ASIC2: variants seen among roughly 807,000 people sequenced by gnomAD.
ASIC2 encodes acid-sensing ion channel 2.
ASIC2 carries 25 observed loss-of-function variants against 57.3 expected under a neutral mutation model. The observed-to-expected ratio is 0.44, with a 90% confidence interval of 0.32 to 0.61. ASIC2 has a LOEUF of 0.61. ASIC2 is among the 20% of genes least tolerant of loss of function. The probability of loss-of-function intolerance (pLI) is 0.06; values close to 1 mark genes in which losing one functional copy is unlikely to be tolerated. For synonymous variants in ASIC2, 319 were observed against 307.5 expected (o/e 1.04, Z -0.39); for missense variants, 641 against 738.1 (o/e 0.87, Z 1.52).
chr17:34,080,249 C>T (rs1480562600), intron 1 of ASIC2, among the ~76,000 whole-genome samples: 2 of 152,212 alleles, frequency 1.3e-5, no homozygotes, highest in African/African-American at 4.8e-5. Flanking sequence ...CCTCATAACA[C>T]AACTCCAGGG....
At chr17:33,294,303 G>T (rs2142186912), upstream of ASIC2, among the ~76,000 whole-genome samples, 1 of 152,286 alleles carries the variant, frequency 6.6e-6, no homozygotes, top group Middle Eastern at 3.4e-3. Flanking sequence ...AGTGGAAGAA[G>T]GACCAACGTG....
intron 1 of ASIC2, among the ~76,000 whole-genome samples, chr17:33,661,040 G>A (rs1597825379): frequency 6.6e-6 from 1 of 152,102 alleles, no homozygotes; most frequent in Non-Finnish European, 1.5e-5. Flanking sequence ...GCTAGACTCT[G>A]CTAGCCACGC....
chr17:33,303,389 A>G (rs1906039252), intron 1 of ASIC2, among the ~76,000 whole-genome samples: 1 of 152,208 alleles, frequency 6.6e-6, no homozygotes, highest in African/African-American at 2.4e-5. Flanking sequence ...AACTAAAACT[A>G]TACGAGCCCA....
At chr17:34,074,654 G>A (rs1331218700) in intron 1 of ASIC2, among the ~76,000 whole-genome samples, 1 of 152,100 alleles carries the variant, frequency 6.6e-6, no homozygotes, top group African/African-American at 2.4e-5. Flanking sequence ...CTACAGAGCA[G>A]AAAACACGCT....
At chr17:33,835,643 G>A (rs1218539029) in intron 1 of ASIC2, among the ~76,000 whole-genome samples, 1 of 152,114 alleles carries the variant, frequency 6.6e-6, no homozygotes, top group Non-Finnish European at 1.5e-5. Context: ...CCAAATTCTA[G>A]TCTATCTGAT....
intron 1 of ASIC2, among the ~76,000 whole-genome samples, chr17:33,201,609 A>G (rs1365408205): frequency 6.6e-6 from 1 of 152,220 alleles, no homozygotes; most frequent in Non-Finnish European, 1.5e-5. Flanking sequence ...TGTAATTAAA[A>G]TGAGTATAAA....
At chr17:34,000,250 A>ATTTTTTTTTT (rs199804905) in intron 1 of ASIC2, among the ~76,000 whole-genome samples, 2 of 119,220 alleles carry the variant, frequency 1.7e-5, no homozygotes, top group African/African-American at 6.5e-5. Flanking sequence ...GTGGAGATCT[A>ATTTTTTTTTT]TTTTTTTTTT....
chr17:33,037,130 C>CAAAAAAAAAAA (rs35845015), intron 3 of ASIC2, among the ~76,000 whole-genome samples: 1 of 125,618 alleles, frequency 8.0e-6, no homozygotes. Flanking sequence ...GGTGTGGTAG[C>CAAAAAAAAAAA]AAAAAAAAAA....
At position 33,450,951 on chromosome 17, in the gene ASIC2, C is replaced by A. The variant is rs575066870; in HGVS notation, c.556-338884G>T. 3.3e-5 allele frequency among the ~76,000 whole-genome samples: 5 copies of A among 152,292 alleles called. No homozygotes were observed. In the South Asian group the frequency reaches 1.0e-3, roughly 32 times the overall value. ...TATCCAACTGCTATCCTGACATGTT[C>A]TCTTAGCTGTCTTACCATAGGGATC... On this transcript the variant is annotated intron_variant, in intron 1 of 9. Transcript: ENST00000359872.
chr17:33,996,932 T>C (rs1468495808), intron 1 of ASIC2, among the ~76,000 whole-genome samples: 1 of 152,190 alleles, frequency 6.6e-6, no homozygotes, highest in Non-Finnish European at 1.5e-5. Context: ...ACTGAATCTA[T>C]AGATCACTTT....
At chr17:33,842,216 C>A (rs1049247292) in intron 1 of ASIC2, among the ~76,000 whole-genome samples, 1 of 152,190 alleles carries the variant, frequency 6.6e-6, no homozygotes, top group Non-Finnish European at 1.5e-5. Context: ...CACCTGGCAA[C>A]CTTCATTTAA....
chr17:33,908,019 T>C (rs965755590), intron 1 of ASIC2, among the ~76,000 whole-genome samples: 1 of 152,192 alleles, frequency 6.6e-6, no homozygotes, highest in Non-Finnish European at 1.5e-5. Context: ...TACATAACAC[T>C]AGCATTCACT....
intron 1 of ASIC2, among the ~76,000 whole-genome samples, chr17:33,802,193 T>C (rs79463982): frequency 0.087 from 13,187 of 152,244 alleles, 635 homozygotes; most frequent in East Asian, 0.19. Context: ...AGATATGTTT[T>C]GATACACAAA....
intron 1 of ASIC2, among the ~76,000 whole-genome samples, chr17:33,490,622 A>G (rs932315717): frequency 7.2e-5 from 11 of 152,236 alleles, no homozygotes; most frequent in Non-Finnish European, 1.5e-4. Flanking sequence ...GCCTGGCGCC[A>G]TCTAAGATGT....
intron 1 of ASIC2, among the ~76,000 whole-genome samples, chr17:33,679,315 T>A (rs968590770): frequency 6.6e-6 from 1 of 152,214 alleles, no homozygotes; most frequent in African/African-American, 2.4e-5. Context: ...TGTTGCTTTT[T>A]ATCAAATGAA....
chr17:33,201,794 C>T (rs956165351), intron 1 of ASIC2, among the ~76,000 whole-genome samples: 1 of 152,080 alleles, frequency 6.6e-6, no homozygotes, highest in Non-Finnish European at 1.5e-5. Flanking sequence ...CTTTGGGAAA[C>T]TGAGGCAGGC....
intron 1 of ASIC2, among the ~76,000 whole-genome samples, chr17:33,553,234 G>T (rs2082415567): frequency 1.3e-5 from 2 of 152,152 alleles, no homozygotes; most frequent in African/African-American, 4.8e-5. Context: ...AAGAGGGTGG[G>T]TTGAGATAGC....
At chr17:33,484,594 G>A (rs1447789037) in intron 1 of ASIC2, among the ~76,000 whole-genome samples, 1 of 152,080 alleles carries the variant, frequency 6.6e-6, no homozygotes, top group Non-Finnish European at 1.5e-5. Context: ...CATTTTTCTG[G>A]ACCAAGTATT....
intron 1 of ASIC2, among the ~76,000 whole-genome samples, chr17:33,740,570 C>T (rs555314441): frequency 1.3e-5 from 2 of 152,228 alleles, no homozygotes; most frequent in Admixed American, 6.5e-5. Flanking sequence ...GGGGATTATG[C>T]GAGCTACAAT....
Sources: gnomAD v4.1 joint callset for allele counts (sites outside exome capture counted in the v4.1 genomes callset) on GRCh38, gnomAD v4.1.1 for gene constraint, MANE v1.5 for transcripts, NCBI Gene and HGNC (gene_info 2026-07-23, HGNC 2026-07-21) for gene names.